ADAM23: variants seen among roughly 807,000 people sequenced by gnomAD.
ADAM23 encodes the protein ADAM metallopeptidase domain 23.
ADAM23 carries 33 observed loss-of-function variants against 120.1 expected under a neutral mutation model. The ratio of observed to expected loss-of-function variants is 0.27; its 90% CI spans 0.21 to 0.37. ADAM23 has a LOEUF of 0.37. Ranked by LOEUF, ADAM23 falls within the 10% of genes least tolerant of loss-of-function variation. ADAM23 has a pLI of 1.00. For synonymous variants in ADAM23, 367 were observed against 375.2 expected (o/e 0.98, Z 0.25); for missense variants, 862 against 1,058.2 (o/e 0.81, Z 2.57).
intron 2 of ADAM23, among the ~76,000 whole-genome samples, chr2:206,453,309 C>T (rs1695234028): frequency 6.6e-6 from 1 of 152,226 alleles, no homozygotes; most frequent in Admixed American, 6.5e-5. Flanking sequence ...CTTTCAAGTC[C>T]AAATTCTGTT....
At chr2:206,456,512 C>G (rs973565581) in intron 2 of ADAM23, among the ~76,000 whole-genome samples, 1 of 152,204 alleles carries the variant, frequency 6.6e-6, no homozygotes, top group Non-Finnish European at 1.5e-5. Flanking sequence ...CACCAGGTCC[C>G]TCCCTCAACA....
intron 24 of ADAM23, among the ~76,000 whole-genome samples, chr2:206,601,823 G>C (rs575751194): frequency 6.7e-6 from 1 of 150,274 alleles, no homozygotes; most frequent in South Asian, 2.1e-4. Flanking sequence ...AGTTCTCATA[G>C]CACAATAGTA....
intron 1 of ADAM23, among the ~76,000 whole-genome samples, chr2:206,445,060 T>G (rs1305100154): frequency 2.7e-5 from 4 of 150,122 alleles, no homozygotes; most frequent in Non-Finnish European, 5.9e-5. Context: ...ATATAAGACA[T>G]AAATCAAAAT....
rs1177534860 is a variant in ADAM23, at chr2:206,456,897, C to T, written c.432+11373C>T. 2.0e-5 allele frequency among the ~76,000 whole-genome samples: 3 copies of T among 152,094 alleles called. No homozygotes were observed. In the South Asian group the frequency reaches 6.2e-4, roughly 32 times the overall value. The stretch of plus-strand genomic sequence containing the variant: ...AGTGCCTGTTTTAGAACCTCCTTTC[C>T]CTTAGTGTGGTTATTTAATAATTTA... On this transcript the variant is annotated intron_variant, in intron 2 of 25. Transcript: ENST00000264377.
intron 3 of ADAM23, among the ~76,000 whole-genome samples, chr2:206,524,077 A>C (rs1696898484): frequency 6.6e-6 from 1 of 152,172 alleles, no homozygotes; most frequent in Admixed American, 6.5e-5. Context: ...GGCTCCCAGT[A>C]CTGAGAACTT....
At position 206,534,481 on chromosome 2, in the gene ADAM23, CT is replaced by C. The variant is rs879312583; in HGVS notation, c.573+3545del. On this transcript the variant is annotated intron_variant, in intron 4 of 25. Transcript: ENST00000264377. Reference sequence around the variant, plus strand: ...CACACCCATCACCTCACATAGTTATCTTTTTTTTTTTTGTAGTGAGAACATT... The same window carrying C: ...CACACCCATCACCTCACATAGTTATCTTTTTTTTTTTGTAGTGAGAACATT... Among the ~76,000 whole-genome samples, 374 of 144,488 alleles carry C rather than the reference CT, an allele frequency of 2.6e-3. 2 individuals carry two copies. The highest frequency in any genetic ancestry group is 7.4e-3 in the Middle Eastern group (2 of 272). 94.8% of individuals were successfully genotyped at this position (144,488 alleles called of 152,430 possible).
At chr2:206,595,497 G>A (rs901998963) in intron 23 of ADAM23, among the ~76,000 whole-genome samples, 6 of 149,376 alleles carry the variant, frequency 4.0e-5, no homozygotes, top group Admixed American at 6.6e-5. Context: ...TGGTGGGGGG[G>A]AATCCTTGTT....
At chr2:206,584,204 T>C (rs1382912556) in intron 18 of ADAM23, among the ~76,000 whole-genome samples, 1 of 152,228 alleles carries the variant, frequency 6.6e-6, no homozygotes, top group African/African-American at 2.4e-5. Flanking sequence ...AGTTCTGTTA[T>C]GTGAACTGTC....
At chr2:206,529,939 G>C (rs1199730351) in intron 3 of ADAM23, among the ~76,000 whole-genome samples, 1 of 152,074 alleles carries the variant, frequency 6.6e-6, no homozygotes. Context: ...AGCCTCCTGT[G>C]TAGCTGCGAT....
chr2:206,586,683 C>T (rs1698328163), intron 18 of ADAM23, among the ~76,000 whole-genome samples: 1 of 152,032 alleles, frequency 6.6e-6, no homozygotes. Context: ...TAAATGTAGT[C>T]AATAAAATGT....
chr2:206,567,615 G>A (rs1697915719), intron 15 of ADAM23, among the ~76,000 whole-genome samples: 1 of 152,066 alleles, frequency 6.6e-6, no homozygotes, highest in Non-Finnish European at 1.5e-5. Flanking sequence ...AGATTTTCAT[G>A]TTAAGATTTT....
At chr2:206,561,291 G>C in intron 12 of ADAM23, 79 bp downstream of exon 12, 1 of 1,246,554 alleles carries the variant, frequency 8.0e-7, no homozygotes, top group Non-Finnish European at 1.2e-6. Context: ...CCTTTCTCGT[G>C]CTTGTTTAGA....
At chr2:206,444,156 C>A (rs1425907280) in intron 1 of ADAM23, 76 bp downstream of exon 1, 2 of 1,139,968 alleles carry the variant, frequency 1.8e-6, no homozygotes, top group African/African-American at 1.6e-5. Context: ...CGCGCGGGTC[C>A]GTGTGCTCCG....
At chr2:206,582,113 G>A (rs1288179783) in intron 18 of ADAM23, among the ~76,000 whole-genome samples, 1 of 152,124 alleles carries the variant, frequency 6.6e-6, no homozygotes, top group Non-Finnish European at 1.5e-5. Context: ...CTTGACCCCA[G>A]GTGATCCGCC....
At chr2:206,499,610 G>A (rs917206920) in intron 3 of ADAM23, among the ~76,000 whole-genome samples, 2 of 151,798 alleles carry the variant, frequency 1.3e-5, no homozygotes, top group African/African-American at 2.4e-5. Context: ...TGCACGTTGT[G>A]CACATGTACC....
chr2:206,463,724 C>G (rs530478464), intron 2 of ADAM23, among the ~76,000 whole-genome samples: 13 of 152,150 alleles, frequency 8.5e-5, no homozygotes, highest in African/African-American at 3.1e-4. Flanking sequence ...TCGTTGTCCC[C>G]GGGATCAGGG....
At chr2:206,605,965 CTG>C (rs1231255992) in intron 24 of ADAM23, 1 of 589,916 alleles carries the variant, frequency 1.7e-6, no homozygotes, top group Non-Finnish European at 3.0e-6. Flanking sequence ...ATGTCTCGTC[CTG>C]TTGACCGTGT....
chr2:206,515,162 C>T (rs542758130), intron 3 of ADAM23, among the ~76,000 whole-genome samples: 1 of 152,222 alleles, frequency 6.6e-6, no homozygotes, highest in Admixed American at 6.5e-5. Context: ...GTACAAACAT[C>T]TCTTATTACA....
At position 206,508,554 on chromosome 2, in the gene ADAM23, G is replaced by T. The variant is rs142062580; in HGVS notation, c.510-22331G>T. Among the ~76,000 whole-genome samples the T allele has an allele frequency of 6.1e-3, 923 of 151,772 alleles. 13 individuals are homozygous for T. Among genetic ancestry groups the T allele is most frequent in the African/African-American group, 0.021 (862 of 41,366 alleles). ...ACCTGTAGTCGCAGCTACCCAGGAG[G>T]CTGAGGCAGGAGAATCGCTTGAACC... On this transcript the variant is annotated intron_variant, in intron 3 of 25. Coordinates refer to ENST00000264377, the MANE Select transcript of ADAM23 (RefSeq NM_003812.4).
Sources: allele counts gnomAD v4.1 joint callset (sites outside exome capture counted in the v4.1 genomes callset), GRCh38; gene constraint gnomAD v4.1.1; transcripts MANE v1.5; gene names NCBI Gene and HGNC (gene_info 2026-07-23, HGNC 2026-07-21).